The following PKHD1L1 variants were observed in gnomAD, a reference collection of about 807,000 sequenced individuals.
The protein encoded by PKHD1L1 is fibrocystin-L.
PKHD1L1 carries 434 observed loss-of-function variants against 462.9 expected under a neutral mutation model. That is an observed-to-expected ratio of 0.94 (90% CI 0.87 to 1.02). PKHD1L1 has a LOEUF of 1.02. Among genes scored for constraint, PKHD1L1 ranks in the 50% least tolerant of loss-of-function variants. The pLI, the probability that PKHD1L1 is intolerant of heterozygous loss-of-function variation, is 0.00. For missense variants in PKHD1L1, 5,202 were observed against 5,096.1 expected (o/e 1.02, Z -0.63); for synonymous variants, 1,781 against 1,750.0 (o/e 1.02, Z -0.44).
In PKHD1L1 at chr8:109,510,914, C is replaced by T; in HGVS notation, c.11533C>T (p.Leu3845Phe). 1 of 1,612,914 alleles carries T rather than the reference C, an allele frequency of 6.2e-7. No homozygotes were observed. Among genetic ancestry groups the T allele is most frequent in the Non-Finnish European group, 8.5e-7 (1 of 1,179,282 alleles). The change falls in exon 71 of 78, where the codon CTT becomes TTT. Residue 3845 changes from leucine (L) to phenylalanine (F), a missense_variant. Coordinates refer to ENST00000378402, the MANE Select transcript of PKHD1L1 (RefSeq NM_177531.6). ...TCCTCAGAATCTTCGACTGATGTTG[C>T]TTAATGTTGATCATAACAAGGTAGG... is the stretch of plus-strand genomic sequence containing the variant. Reference protein sequence around the residue: ...TSPQNLRLMLLNVDHNKAVLV... With the variant: ...TSPQNLRLMLFNVDHNKAVLV...
At chr8:109,492,127 T>A (rs35877484) in intron 62 of PKHD1L1, 133 bp downstream of exon 62, 437 of 526,612 alleles carry the variant, frequency 8.3e-4, no homozygotes, top group South Asian at 1.8e-3. Flanking sequence ...GGCCATTGAT[T>A]TTTTTTTTTT....
chr8:109,422,140 T>C (rs1814506447), intron 23 of PKHD1L1, among the ~76,000 whole-genome samples: 1 of 152,230 alleles, frequency 6.6e-6, no homozygotes, highest in African/African-American at 2.4e-5. Flanking sequence ...TGATAATTTT[T>C]TTGTATAATA....
Position 109,464,822 on chromosome 8 carries a change from A to C in PKHD1L1, c.7990A>C (p.Asn2664His). 1 of 1,613,842 alleles carries C rather than the reference A, an allele frequency of 6.2e-7. No individual in the cohort carries two copies. Among genetic ancestry groups the C allele is most frequent in the South Asian group, 1.1e-5 (1 of 91,088 alleles). ...WNCQKGAEWV[N>H]GGALQFHNFV... ...TTGTCAAAAAGGAGCTGAATGGGTC[A>C]ATGGAGGTGCCCTTCAGTTCCATAA... The change falls in exon 49 of 78, where the codon AAT becomes CAT. Residue 2664 changes from asparagine (N) to histidine (H), a missense_variant. Asn to His is a moderately conservative substitution (Grantham distance 68). Transcript: ENST00000378402.
At chr8:109,509,154 T>C (rs1283557951) in intron 70 of PKHD1L1, among the ~76,000 whole-genome samples, 1 of 152,070 alleles carries the variant, frequency 6.6e-6, no homozygotes, top group Non-Finnish European at 1.5e-5. Flanking sequence ...CAAAGTTTCA[T>C]GATTTTAGGA....
intron 2 of PKHD1L1, among the ~76,000 whole-genome samples, chr8:109,368,662 T>C (rs1563708617): frequency 6.6e-6 from 1 of 152,190 alleles, no homozygotes. Context: ...CAACAGTGCT[T>C]TTTTAACTAG....
rs150846843 is a variant in PKHD1L1, at chr8:109,521,937, G to A, written c.12032-249G>A. ...ATATTCTCCCACTATGTTTTCATTC[G>A]TTTTTCTTGTATCTGTTTTATCTAC... On this transcript the variant is annotated intron_variant, in intron 73 of 77. Transcript: ENST00000378402. Among the ~76,000 whole-genome samples the A allele has an allele frequency of 2.0e-3, 300 of 152,156 alleles. 1 individual carries two copies. Among genetic ancestry groups the A allele is most frequent in the African/African-American group, 6.5e-3 (269 of 41,538 alleles).
intron 1 of PKHD1L1, 118 bp downstream of exon 1, chr8:109,362,771 G>A (rs994794686): frequency 2.4e-5 from 27 of 1,141,946 alleles, no homozygotes; most frequent in South Asian, 1.1e-4. Flanking sequence ...CTGTGGGTGC[G>A]GTTGCATGAC....
chr8:109,492,788 T>G (rs1818898680), intron 62 of PKHD1L1, among the ~76,000 whole-genome samples: 1 of 151,924 alleles, frequency 6.6e-6, no homozygotes, highest in South Asian at 2.1e-4. Context: ...AAAATAAGTG[T>G]GTTTGATATG....
At chr8:109,422,602 G>T (rs1259362770) in intron 23 of PKHD1L1, among the ~76,000 whole-genome samples, 50 of 152,094 alleles carry the variant, frequency 3.3e-4, no homozygotes, top group Admixed American at 3.3e-3. Context: ...GGATGTACCA[G>T]TTTGTTTACT....
chr8:109,389,034 T>C, intron 7 of PKHD1L1, 45 bp from the exon 8 acceptor site: 1 of 1,246,164 alleles, frequency 8.0e-7, no homozygotes. Context: ...TATTCTAAAA[T>C]TTTAGTGTCT....
chr8:109,480,276 C>T, intron 55 of PKHD1L1, 137 bp downstream of exon 55: 2 of 882,006 alleles, frequency 2.3e-6, no homozygotes, highest in Non-Finnish European at 1.7e-6. Context: ...AAATGCAAGT[C>T]TCAGTTAAGT....
chr8:109,463,881 A>C (rs1673400), intron 48 of PKHD1L1, among the ~76,000 whole-genome samples: 76,323 of 151,966 alleles, frequency 0.5, 19,450 homozygotes, highest in South Asian at 0.68. Flanking sequence ...TTATTACATA[A>C]GAAGCAAAGT....
At chr8:109,485,861 G>A (rs998516261) in intron 58 of PKHD1L1, among the ~76,000 whole-genome samples, 3 of 151,864 alleles carry the variant, frequency 2.0e-5, no homozygotes, top group South Asian at 2.1e-4. Flanking sequence ...TAATAGAAGC[G>A]CATGTGTCTA....
intron 2 of PKHD1L1, among the ~76,000 whole-genome samples, chr8:109,372,264 C>A (rs1016756713): frequency 1.3e-5 from 2 of 152,158 alleles, no homozygotes; most frequent in African/African-American, 4.8e-5. Context: ...CTCTTTGAAG[C>A]AATTGTGAAT....
chr8:109,396,784 C>T (rs1352250936), intron 11 of PKHD1L1, among the ~76,000 whole-genome samples: 1 of 152,176 alleles, frequency 6.6e-6, no homozygotes, highest in Non-Finnish European at 1.5e-5. Context: ...AATGACATCA[C>T]GTCTATTGCT....
chr8:109,469,690 G>T (rs549835961), intron 50 of PKHD1L1, among the ~76,000 whole-genome samples: 6 of 152,148 alleles, frequency 3.9e-5, no homozygotes, highest in Admixed American at 6.6e-5. Context: ...TCATGTACCT[G>T]CTATCTGAGT....
At chr8:109,452,035 G>C in intron 41 of PKHD1L1, 89 bp from the exon 42 acceptor site, 2 of 1,098,406 alleles carry the variant, frequency 1.8e-6, no homozygotes, top group Non-Finnish European at 2.4e-6. Context: ...TTTTTTTTTT[G>C]CAATAATACA....
rs1379892228 is a variant in PKHD1L1 at position 109,522,250 on chromosome 8, A to G, written c.12096A>G (p.Gly4032=). Residue 4032 remains glycine, a synonymous_variant, in exon 74 of 78, where the codon GGA becomes GGG. Transcript: ENST00000378402. ...AGSLGQAVIL[G]NISSILGFNI... ...CTCTTGGACAAGCTGTAATTTTAGG[A>G]AACATCAGTAGTATCCTTGGATTTA... 1 of 1,603,842 alleles carries G rather than the reference A, an allele frequency of 6.2e-7. No homozygotes were observed. Among genetic ancestry groups the G allele is most frequent in the Admixed American group, 1.7e-5 (1 of 59,556 alleles).
intron 39 of PKHD1L1, 65 bp downstream of exon 39, chr8:109,448,456 A>T: frequency 7.0e-7 from 1 of 1,423,372 alleles, no homozygotes; most frequent in Non-Finnish European, 9.3e-7. Context: ...TAGAAACCTT[A>T]TTTAGAAAAT....
Sources: allele counts gnomAD v4.1 joint callset (sites outside exome capture counted in the v4.1 genomes callset), GRCh38; gene constraint gnomAD v4.1.1; transcripts MANE v1.5; gene names NCBI Gene and HGNC (gene_info 2026-07-23, HGNC 2026-07-21).